The following PANK1 variants were observed in gnomAD, a reference collection of about 807,000 sequenced individuals.
The protein encoded by PANK1 is pantothenic acid kinase 1.
In PANK1, 18 loss-of-function variants were observed where a neutral mutation model predicts 40.1. That is an observed-to-expected ratio of 0.45 (90% confidence interval 0.31 to 0.67). PANK1 has a LOEUF of 0.67. PANK1 is among the 30% of genes least tolerant of loss of function. The pLI is 0.06. For missense variants in PANK1, 457 were observed against 599.6 expected (o/e 0.76, Z 2.48); for synonymous variants, 242 against 237.7 (o/e 1.02, Z -0.17).
Position 89,584,193 on chromosome 10 carries a change from G to T in PANK1, c.*213C>A, listed in dbSNP as rs1024012995. 1.2e-5 allele frequency: 6 copies of T among 487,486 alleles called. No individual in the cohort carries two copies. In the Admixed American group the frequency reaches 2.1e-4, roughly 17 times the overall value. 30.2% of individuals were successfully genotyped at this position (487,486 alleles called of 1,614,324 possible). A position where few individuals can be genotyped will look rare whatever the true frequency, so the allele number is the denominator to read the frequency against. ...TTTTTTTAAAAAAATACAGTATACA[G>T]AAAAAAAACCTTTTATATTCCCCCG... is the stretch of plus-strand genomic sequence containing the variant. On this transcript the variant is annotated 3_prime_UTR_variant, in exon 7 of 7. Transcript: ENST00000307534.
intron 4 of PANK1, among the ~76,000 whole-genome samples, chr10:89,593,527 G>T (rs1318394605): frequency 3.0e-5 from 3 of 101,526 alleles, no homozygotes; most frequent in Non-Finnish European, 7.0e-5. Flanking sequence ...GTCCATTAAT[G>T]GGGGGGGAAA....
chr10:89,616,852 C>T (rs1023505369), intron 1 of PANK1, among the ~76,000 whole-genome samples: 16 of 151,874 alleles, frequency 1.1e-4, no homozygotes, highest in East Asian at 5.8e-4. Flanking sequence ...ACTCAGGAGG[C>T]GGAGGTTGCA....
chr10:89,643,715 T>C (rs756106480), intron 1 of PANK1: 1 of 1,613,986 alleles, frequency 6.2e-7, no homozygotes, highest in Non-Finnish European at 8.5e-7. Flanking sequence ...TTGCCATTTA[T>C]AAGCTTCATT....
rs767772041 is a variant in PANK1 at position 89,583,694 on chromosome 10, T to C, written c.*712A>G. On this transcript the variant is annotated 3_prime_UTR_variant, in exon 7 of 7. Transcript: ENST00000307534. ...CAGACTCATTAAATTCATTAACACATTCAGTCTTCTCTTCACGGGCATTTT... is the reference window on the plus strand; with the variant it reads ...CAGACTCATTAAATTCATTAACACACTCAGTCTTCTCTTCACGGGCATTTT... 2.0e-5 allele frequency: 3 copies of C among 152,218 alleles called. No individual in the cohort carries two copies. The highest frequency in any genetic ancestry group is 4.4e-5 in the Non-Finnish European group (3 of 68,026). 9.4% of individuals were successfully genotyped at this position (152,218 alleles called of 1,614,324 possible).
chr10:89,632,880 C>A (rs1373973101), intron 1 of PANK1, among the ~76,000 whole-genome samples: 1 of 152,166 alleles, frequency 6.6e-6, no homozygotes, highest in East Asian at 1.9e-4. Flanking sequence ...TACTTTCTTT[C>A]CTGAGAATAA....
chr10:89,629,301 GT>G lies in PANK1; in HGVS notation c.292+15298del, dbSNP rs930626005. ...ATCCCCTGAGGTTATAGGCATTGTA[GT>G]TAGAAGTGACAGGCATTGTAGTTAC... On this transcript the variant is annotated intron_variant, in intron 1 of 6. Coordinates refer to ENST00000307534, the MANE Select transcript of PANK1 (RefSeq NM_148977.3). Among the ~76,000 whole-genome samples, 43 of 152,250 alleles carry G rather than the reference GT, an allele frequency of 2.8e-4. No individual in the cohort carries two copies. The Middle Eastern group carries it at 0.014, about 48-fold the overall frequency.
chr10:89,612,923 A>G (rs1301503159), intron 1 of PANK1, among the ~76,000 whole-genome samples: 6 of 152,222 alleles, frequency 3.9e-5, no homozygotes, highest in Middle Eastern at 3.2e-3. Context: ...CTTGGAAACT[A>G]CTAAACCAGA....
chr10:89,584,491 T>A, intron 6 of PANK1, 26 bp from the exon 7 acceptor site: 2 of 1,498,832 alleles, frequency 1.3e-6, no homozygotes, highest in Non-Finnish European at 9.3e-7. Flanking sequence ...AAAACGATGA[T>A]CTCTGAACCT....
At chr10:89,601,353 T>G (rs1844780012) in intron 2 of PANK1, among the ~76,000 whole-genome samples, 1 of 138,554 alleles carries the variant, frequency 7.2e-6, no homozygotes, top group Admixed American at 7.6e-5. Context: ...GTGGGGTACA[T>G]GCTGCTGGTC....
intron 3 of PANK1, among the ~76,000 whole-genome samples, chr10:89,595,825 AAAAAAAAAATATAT>A (rs1844555163): frequency 1.4e-5 from 1 of 69,384 alleles, no homozygotes; most frequent in African/African-American, 6.5e-5. Flanking sequence ...TTAAAAAAAA[AAAAAAAAAATATAT>A]ATATATATAT....
intron 1 of PANK1, among the ~76,000 whole-genome samples, chr10:89,621,716 T>C (rs1279161305): frequency 1.3e-5 from 2 of 151,198 alleles, no homozygotes; most frequent in Non-Finnish European, 3.0e-5. Context: ...TACTTGTCTT[T>C]ATTTTTACTT....
chr10:89,639,254 G>T (rs76080358), intron 1 of PANK1: 14,582 of 448,414 alleles, frequency 0.033, 1,246 homozygotes, highest in East Asian at 0.27. Flanking sequence ...TTGAGAAAGG[G>T]CAAGAGATTG....
chr10:89,641,487 G>A (rs374560695), intron 1 of PANK1, among the ~76,000 whole-genome samples: 1 of 152,158 alleles, frequency 6.6e-6, no homozygotes, highest in Middle Eastern at 3.2e-3. Context: ...CGACCAGAAG[G>A]CTGACTGCAT....
chr10:89,624,164 A>G (rs372389769), intron 1 of PANK1, among the ~76,000 whole-genome samples: 1 of 152,210 alleles, frequency 6.6e-6, no homozygotes, highest in African/African-American at 2.4e-5. Flanking sequence ...ATGTAGAAGT[A>G]TTATCACCGG....
intron 1 of PANK1, among the ~76,000 whole-genome samples, chr10:89,620,220 A>G (rs1477778252): frequency 6.6e-6 from 1 of 152,244 alleles, no homozygotes; most frequent in African/African-American, 2.4e-5. Flanking sequence ...AAGGAACAGG[A>G]TAACAGCGAT....
At position 89,644,737 on chromosome 10, in the gene PANK1, C is replaced by T. The variant is rs1374121248; in HGVS notation, c.155G>A (p.Gly52Asp). ...GCGCTGGGGCGCCGCGTCGCTGCCGCCCACTGGACCCCGGCTGCAGACGTG... is the reference window on the plus strand; with the variant it reads ...GCGCTGGGGCGCCGCGTCGCTGCCGTCCACTGGACCCCGGCTGCAGACGTG... ...PPHVCSRGPV[G>D]GSDAAPQRLP... The change falls in exon 1 of 7, where the codon GGC becomes GAC. Residue 52 changes from glycine to aspartate, a missense_variant. By Grantham distance (94) the Gly-to-Asp change is moderately conservative. This residue lies in a region of PANK1 where 144 missense variants were observed against 131.2 expected (regional missense o/e 1.10). Coordinates refer to ENST00000307534, the MANE Select transcript of PANK1 (RefSeq NM_148977.3). The T allele has an allele frequency of 1.3e-6, 2 of 1,523,888 alleles. No individual in the cohort carries two copies. The highest frequency in any genetic ancestry group is 1.8e-6 in the Non-Finnish European group (2 of 1,142,004). 94.4% of individuals were successfully genotyped at this position (1,523,888 alleles called of 1,614,324 possible).
At chr10:89,612,199 G>T (rs751826774) in intron 1 of PANK1, 151 bp from the exon 2 acceptor site, 24 of 706,048 alleles carry the variant, frequency 3.4e-5, no homozygotes, top group Non-Finnish European at 5.3e-5. Flanking sequence ...GTGCCTAAAA[G>T]GTGGCACAGA....
chr10:89,599,081 A>C, intron 3 of PANK1, 171 bp downstream of exon 3: 1 of 614,972 alleles, frequency 1.6e-6, no homozygotes. Flanking sequence ...ATTAACATTT[A>C]TATAAATCAC....
Position 89,644,503 on chromosome 10 carries a change from CG to C in PANK1, c.292+96del, listed in dbSNP as rs1472150274. The C allele has an allele frequency of 6.4e-6, 7 of 1,098,650 alleles. No homozygotes were observed. In the African/African-American group the frequency reaches 1.2e-4, roughly 18 times the overall value. 68.1% of individuals were successfully genotyped at this position (1,098,650 alleles called of 1,614,324 possible). Reference sequence around the variant, plus strand: ...CCTCGACCGCAGACGCGGGGGCGCACGGGGCGTGCTGCGGCGCCTGCCTCAG... The same window carrying C: ...CCTCGACCGCAGACGCGGGGGCGCACGGGCGTGCTGCGGCGCCTGCCTCAG... On this transcript the variant is annotated intron_variant, in intron 1 of 6. Coordinates refer to ENST00000307534, the MANE Select transcript of PANK1 (RefSeq NM_148977.3).
Sources: allele counts gnomAD v4.1 joint callset (sites outside exome capture counted in the v4.1 genomes callset), GRCh38; gene constraint gnomAD v4.1.1; regional missense constraint gnomAD v4.1.1; transcripts MANE v1.5; gene names NCBI Gene and HGNC (gene_info 2026-07-23, HGNC 2026-07-21).